PRKN: variants seen among roughly 807,000 people sequenced by gnomAD.
The protein encoded by PRKN is E3 ubiquitin-protein ligase parkin.
A neutral mutation model predicts 59.5 loss-of-function variants in PRKN; 56 were observed. The ratio of observed to expected loss-of-function variants is 0.94; its 90% CI spans 0.76 to 1.18. PRKN has a LOEUF of 1.18. PRKN is among the 50% of genes most tolerant of loss of function. The pLI is 0.00. For synonymous variants in PRKN, 250 were observed against 222.1 expected (o/e 1.13, Z -1.12); for missense variants, 657 against 596.4 (o/e 1.10, Z -1.06).
intron 6 of PRKN, among the ~76,000 whole-genome samples, chr6:161,833,652 G>C (rs1792610985): frequency 6.6e-6 from 1 of 152,162 alleles, no homozygotes; most frequent in Non-Finnish European, 1.5e-5. Flanking sequence ...GGAGTGAGCA[G>C]ATCGGGGTTG....
At chr6:162,404,172 C>T (rs1787944709) in intron 2 of PRKN, among the ~76,000 whole-genome samples, 1 of 151,694 alleles carries the variant, frequency 6.6e-6, no homozygotes, top group African/African-American at 2.4e-5. Context: ...GAGTTCGAGA[C>T]CAGCCTGACC....
rs1778002691 is a variant in PRKN at position 161,502,604 on chromosome 6, A to C, written c.1083+46250T>G. Among the ~76,000 whole-genome samples, 1 of 152,156 alleles carries C rather than the reference A, an allele frequency of 6.6e-6. No homozygotes were observed. Among genetic ancestry groups the C allele is most frequent in the South Asian group, 2.1e-4 (1 of 4,838 alleles). ...GATGAGGATAGTAAGAGTATCCTGAAGGAGGGGACCAGTAACAAGCAGGGA... is the reference window on the plus strand; with the variant it reads ...GATGAGGATAGTAAGAGTATCCTGACGGAGGGGACCAGTAACAAGCAGGGA... On this transcript the variant is annotated intron_variant, in intron 9 of 11. Transcript: ENST00000366898. This position sits in a 1 kb window ranked among gnomAD's most constrained non-coding sequence, Gnocchi z 4.0.
intron 7 of PRKN, among the ~76,000 whole-genome samples, chr6:161,726,809 A>T (rs1301904260): frequency 6.6e-6 from 1 of 152,200 alleles, no homozygotes; most frequent in African/African-American, 2.4e-5. Context: ...CCCAATCAGG[A>T]ATCACAACTC....
At chr6:162,504,734 G>A (rs111855967) in intron 1 of PRKN, among the ~76,000 whole-genome samples, 8 of 152,210 alleles carry the variant, frequency 5.3e-5, no homozygotes, top group Admixed American at 2.0e-4. Flanking sequence ...GCATCTGCAC[G>A]TTTAGACAAA....
At chr6:161,570,054 C>T (rs901386758) in intron 7 of PRKN, among the ~76,000 whole-genome samples, 9 of 147,268 alleles carry the variant, frequency 6.1e-5, no homozygotes, top group African/African-American at 2.3e-4. Flanking sequence ...TCGTTCCACC[C>T]AATCAATCCA....
At chr6:161,827,076 C>T (rs1792277694) in intron 6 of PRKN, among the ~76,000 whole-genome samples, 2 of 152,190 alleles carry the variant, frequency 1.3e-5, no homozygotes, top group African/African-American at 4.8e-5. Context: ...CAGGAAAATT[C>T]TGTCTGCCTA....
chr6:162,454,319 T>TTA (rs1790762429), intron 1 of PRKN, among the ~76,000 whole-genome samples: 2 of 152,214 alleles, frequency 1.3e-5, no homozygotes, highest in South Asian at 4.1e-4. Flanking sequence ...CCACTACACT[T>TTA]TATAGTAAAT....
intron 2 of PRKN, among the ~76,000 whole-genome samples, chr6:162,366,027 A>T (rs537320763): frequency 1.3e-5 from 2 of 152,300 alleles, no homozygotes; most frequent in Non-Finnish European, 2.9e-5. Context: ...AGATTTGTAC[A>T]CACAAAATAT....
In PRKN at chr6:161,353,966, T is replaced by C. The variant is rs572436122; in HGVS notation, c.1286-3755A>G. Among the ~76,000 whole-genome samples, 8 of 152,326 alleles carry C rather than the reference T, an allele frequency of 5.3e-5. No individual in the cohort carries two copies. The highest frequency in any genetic ancestry group is 1.2e-4 in the Non-Finnish European group (8 of 68,030). On this transcript the variant is annotated intron_variant, in intron 11 of 11. Coordinates refer to ENST00000366898, the MANE Select transcript of PRKN (RefSeq NM_004562.3). The surrounding 1 kb of genome is among the most constrained non-coding windows in gnomAD (Gnocchi z 4.8). ...AAGTCTTCTGTGCTGACTGTTGTTATTGAATGAGAGAATAGAAGAAGCATG... is the reference window on the plus strand; with the variant it reads ...AAGTCTTCTGTGCTGACTGTTGTTACTGAATGAGAGAATAGAAGAAGCATG...
chr6:162,120,213 AG>A (rs1251479827), intron 4 of PRKN, among the ~76,000 whole-genome samples: 4 of 152,298 alleles, frequency 2.6e-5, no homozygotes, highest in Admixed American at 2.6e-4. Flanking sequence ...CCTGTTGCTA[AG>A]GCTGGTATGG....
At chr6:162,211,707 C>T (rs1400387597) in intron 3 of PRKN, among the ~76,000 whole-genome samples, 1 of 152,068 alleles carries the variant, frequency 6.6e-6, no homozygotes, top group African/African-American at 2.4e-5. Context: ...TATAATATTT[C>T]CTATCTTCAC....
intron 2 of PRKN, among the ~76,000 whole-genome samples, chr6:162,329,692 G>A (rs1398162656): frequency 6.6e-6 from 1 of 151,646 alleles, no homozygotes; most frequent in Non-Finnish European, 1.5e-5. Context: ...TAGAGTAACA[G>A]GATCTCTAAA....
intron 1 of PRKN, among the ~76,000 whole-genome samples, chr6:162,557,848 T>C (rs953633935): frequency 3.3e-5 from 5 of 152,128 alleles, no homozygotes; most frequent in Admixed American, 2.0e-4. Flanking sequence ...CTTGACAATA[T>C]AGGGCTTCTT....
Position 161,842,830 on chromosome 6 carries a change from G to A in PRKN, c.735-56922C>T, listed in dbSNP as rs1793045299. Among the ~76,000 whole-genome samples, 3 of 152,244 alleles carry A rather than the reference G, an allele frequency of 2.0e-5. No individual in the cohort carries two copies. The South Asian group carries it at 6.2e-4, about 32-fold the overall frequency. Reference sequence around the variant, plus strand: ...CCCAAAGTGCTGGGATTACAGGCGTGAGCCACTGCACCCCGCCTCTTCCTT... The same window carrying A: ...CCCAAAGTGCTGGGATTACAGGCGTAAGCCACTGCACCCCGCCTCTTCCTT... On this transcript the variant is annotated intron_variant, in intron 6 of 11. Coordinates refer to ENST00000366898, the MANE Select transcript of PRKN (RefSeq NM_004562.3).
chr6:162,050,388 T>A (rs1777582856), intron 5 of PRKN, among the ~76,000 whole-genome samples: 1 of 152,210 alleles, frequency 6.6e-6, no homozygotes, highest in Non-Finnish European at 1.5e-5. Context: ...TCCATTTCTT[T>A]TCATTTCTGT....
intron 1 of PRKN, among the ~76,000 whole-genome samples, chr6:162,478,953 A>G (rs4632875): frequency 0.31 from 47,220 of 152,000 alleles, 7,614 homozygotes; most frequent in East Asian, 0.49. Context: ...GAATGGGAAG[A>G]CCTAGGACAT....
At chr6:162,081,059 C>T (rs1779035861) in intron 4 of PRKN, among the ~76,000 whole-genome samples, 1 of 152,098 alleles carries the variant, frequency 6.6e-6, no homozygotes, top group Non-Finnish European at 1.5e-5. Flanking sequence ...CTTCAGCCTC[C>T]ACTTCTAATT....
chr6:161,833,737 T>C (rs1792615487), intron 6 of PRKN, among the ~76,000 whole-genome samples: 1 of 152,144 alleles, frequency 6.6e-6, no homozygotes, highest in Non-Finnish European at 1.5e-5. Context: ...AAGTAAGTTG[T>C]TGTGTCCGAG....
intron 2 of PRKN, among the ~76,000 whole-genome samples, chr6:162,379,244 G>C (rs1341337438): frequency 6.6e-6 from 1 of 152,044 alleles, no homozygotes; most frequent in Non-Finnish European, 1.5e-5. Context: ...CTGGATACCA[G>C]CATTTACAAA....
Sources: allele counts gnomAD v4.1 joint callset (sites outside exome capture counted in the v4.1 genomes callset), GRCh38; gene constraint gnomAD v4.1.1; non-coding constraint Gnocchi (gnomAD v3.1); transcripts MANE v1.5; gene names NCBI Gene and HGNC (gene_info 2026-07-23, HGNC 2026-07-21).